Variants in SORCS3 observed in about 807,000 individuals in gnomAD.
SORCS3 encodes VPS10 domain-containing receptor SorCS3.
Under a neutral mutation model 146.3 loss-of-function variants are expected in SORCS3, and 57 were observed. The observed-to-expected ratio is 0.39, with a 90% CI of 0.31 to 0.49. The LOEUF (loss-of-function observed/expected upper bound fraction) is 0.49, where lower values mean the gene tolerates loss of function less well. Among genes scored for constraint, SORCS3 ranks in the 20% least tolerant of loss-of-function variants. The pLI, the probability that SORCS3 is intolerant of heterozygous loss-of-function variation, is 0.92. For synonymous variants in SORCS3, 653 were observed against 618.5 expected, an observed-to-expected ratio of 1.06 and a Z score of -0.83; for missense variants, 1,341 against 1,575.5, an observed-to-expected ratio of 0.85 and a Z score of 2.52.
chr10:105,102,013 C>T (rs748190725), intron 6 of SORCS3, among the ~76,000 whole-genome samples: 3 of 152,178 alleles, frequency 2.0e-5, no homozygotes, highest in Non-Finnish European at 4.4e-5. Flanking sequence ...CTTCCCCTCT[C>T]CTCTCAGCCA....
chr10:105,039,861 T>C (rs1052064762), intron 4 of SORCS3, among the ~76,000 whole-genome samples: 2 of 152,144 alleles, frequency 1.3e-5, no homozygotes, highest in African/African-American at 4.8e-5. Context: ...GTGATGAAAC[T>C]GATGATTTCT....
chr10:104,641,610 G>T lies in SORCS3; in HGVS notation c.283G>T (p.Gly95Cys). 1 of 1,517,710 alleles carries T rather than the reference G, an allele frequency of 6.6e-7. No individual in the cohort carries two copies. Among genetic ancestry groups the T allele is most frequent in the South Asian group, 1.2e-5 (1 of 81,996 alleles). 94.0% of individuals were successfully genotyped at this position (1,517,710 alleles called of 1,614,324 possible). A position where few individuals can be genotyped will look rare whatever the true frequency, so the allele number is the denominator to read the frequency against. The change falls in exon 1 of 27, where the codon GGC (glycine) becomes TGC (cysteine). Residue 95 changes from glycine to cysteine, a missense_variant. Coordinates refer to ENST00000369701, the MANE Select transcript of SORCS3 (RefSeq NM_014978.3). The surrounding 1 kb of genome is among the most constrained non-coding windows in gnomAD (Gnocchi z 6.4). The part of the protein sequence containing the change: ...AGPELLPQQG[G>C]GRGGEMQVEA... The stretch of plus-strand genomic sequence containing the variant: ...ACCAGAGCTGCTGCCCCAGCAGGGC[G>T]GCGGCAGAGGCGGTGAGATGCAGGT...
intron 1 of SORCS3, among the ~76,000 whole-genome samples, chr10:104,752,537 G>C (rs1211235797): frequency 6.6e-6 from 1 of 152,170 alleles, no homozygotes; most frequent in South Asian, 2.1e-4. Flanking sequence ...TTTACTGTGG[G>C]CTGGGCCAGC....
chr10:104,898,324 A>G (rs2018819251), intron 2 of SORCS3, among the ~76,000 whole-genome samples: 2 of 152,226 alleles, frequency 1.3e-5, no homozygotes, highest in Non-Finnish European at 1.5e-5. Context: ...AGTGTCAGGC[A>G]AGTTATAGGC....
At position 104,676,137 on chromosome 10, in the gene SORCS3, A is replaced by G. The variant is rs2015910368; in HGVS notation, c.627+34183A>G. Among the ~76,000 whole-genome samples, 2 of 151,936 alleles carry G rather than the reference A, an allele frequency of 1.3e-5. 1 individual carries two copies. Among genetic ancestry groups the G allele is most frequent in the South Asian group, 4.2e-4 (2 of 4,816 alleles). On this transcript the variant is annotated intron_variant, in intron 1 of 26. Coordinates refer to ENST00000369701, the MANE Select transcript of SORCS3 (RefSeq NM_014978.3). The stretch of plus-strand genomic sequence containing the variant: ...AGTATAATCTTTAAATTGGATTTTC[A>G]TTATGTCATCTGTGAACAAAGGTGT...
At chr10:105,004,195 G>A (rs971778082) in intron 4 of SORCS3, among the ~76,000 whole-genome samples, 3 of 152,266 alleles carry the variant, frequency 2.0e-5, no homozygotes, top group Non-Finnish European at 4.4e-5. Flanking sequence ...TGGCGGGGTT[G>A]GGGCCAGAGC....
At chr10:105,207,534 C>G (rs2056610442) in intron 16 of SORCS3, among the ~76,000 whole-genome samples, 1 of 152,102 alleles carries the variant, frequency 6.6e-6, no homozygotes, top group Non-Finnish European at 1.5e-5. Flanking sequence ...GCATTCTGTC[C>G]AAACCTCACA....
At chr10:105,043,276 C>A in intron 5 of SORCS3, 148 bp downstream of exon 5, 1 of 677,662 alleles carries the variant, frequency 1.5e-6, no homozygotes, top group Non-Finnish European at 2.6e-6. Flanking sequence ...ATAGCAGCAT[C>A]AGCATCACCT....
chr10:105,222,378 G>T (rs1001718679), intron 19 of SORCS3, among the ~76,000 whole-genome samples: 4 of 152,042 alleles, frequency 2.6e-5, no homozygotes, highest in African/African-American at 9.7e-5. Flanking sequence ...TGTTTCATCA[G>T]CTTTGTCCTC....
chr10:105,167,234 T>G (rs751747980), intron 12 of SORCS3, 24 bp from the exon 13 acceptor site: 306 of 1,540,758 alleles, frequency 2.0e-4, no homozygotes, highest in South Asian at 5.3e-4. Context: ...GCTATGATTG[T>G]TGTTGTTGTT....
intron 2 of SORCS3, among the ~76,000 whole-genome samples, chr10:104,881,533 C>A (rs989662429): frequency 2.0e-5 from 3 of 152,146 alleles, no homozygotes; most frequent in African/African-American, 7.2e-5. Context: ...TGCACAGGGT[C>A]TGTGCCTTTT....
At chr10:104,787,972 C>A (rs1187749775) in intron 1 of SORCS3, among the ~76,000 whole-genome samples, 2 of 152,190 alleles carry the variant, frequency 1.3e-5, no homozygotes, top group Non-Finnish European at 2.9e-5. Context: ...AGAAGCCCAT[C>A]AATGTGGCCT....
chr10:105,064,260 G>A (rs1387310911), intron 5 of SORCS3, among the ~76,000 whole-genome samples: 2 of 152,154 alleles, frequency 1.3e-5, no homozygotes, highest in Non-Finnish European at 2.9e-5. Context: ...CATGGTGAGT[G>A]TAAAACCAAG....
intron 3 of SORCS3, among the ~76,000 whole-genome samples, chr10:104,916,554 G>C (rs1164971619): frequency 1.3e-5 from 2 of 152,110 alleles, no homozygotes; most frequent in African/African-American, 4.8e-5. Flanking sequence ...GTCAGACCTT[G>C]GCCATGGAAA....
intron 20 of SORCS3, among the ~76,000 whole-genome samples, chr10:105,225,296 A>T (rs959633992): frequency 6.6e-6 from 1 of 151,946 alleles, no homozygotes; most frequent in Non-Finnish European, 1.5e-5. Flanking sequence ...TTTTTTTGGC[A>T]TGTGGATATC....
intron 1 of SORCS3, among the ~76,000 whole-genome samples, chr10:104,697,447 G>A (rs772121215): frequency 5.5e-4 from 84 of 152,168 alleles, no homozygotes; most frequent in Non-Finnish European, 7.4e-5. Context: ...AGATTTGGAC[G>A]AGGAAAGGGT....
intron 17 of SORCS3, among the ~76,000 whole-genome samples, chr10:105,212,637 T>TA (rs1048371361): frequency 2.4e-4 from 36 of 151,088 alleles, no homozygotes; most frequent in South Asian, 1.7e-3. Flanking sequence ...GAATGGCAAT[T>TA]AAAAAAAAAG....
intron 1 of SORCS3, among the ~76,000 whole-genome samples, chr10:104,751,314 G>A (rs1456425597): frequency 6.6e-6 from 1 of 152,194 alleles, no homozygotes; most frequent in African/African-American, 2.4e-5. Flanking sequence ...GGGTTGGAAT[G>A]TAATGTAGGA....
chr10:105,089,289 G>A (rs567561051), intron 5 of SORCS3, among the ~76,000 whole-genome samples: 184 of 152,310 alleles, frequency 1.2e-3, no homozygotes, highest in African/African-American at 4.1e-3. Context: ...CAGGAAGGAA[G>A]GAATATCTTG....
Sources: gnomAD v4.1 joint callset for allele counts (sites outside exome capture counted in the v4.1 genomes callset) on GRCh38, gnomAD v4.1.1 for gene constraint, Gnocchi (gnomAD v3.1) non-coding constraint, MANE v1.5 for transcripts, NCBI Gene and HGNC (gene_info 2026-07-23, HGNC 2026-07-21) for gene names.